The following SLC35F3 variants were observed in gnomAD, a reference collection of about 807,000 sequenced individuals.
SLC35F3 encodes solute carrier family 35 member F3.
SLC35F3 carries 25 observed loss-of-function variants against 49.9 expected under a neutral mutation model. The ratio of observed to expected loss-of-function variants is 0.50; its 90% CI spans 0.37 to 0.70. SLC35F3 has a LOEUF of 0.70. Ranked by LOEUF, SLC35F3 falls within the 30% of genes least tolerant of loss-of-function variation. The pLI, the probability that SLC35F3 is intolerant of heterozygous loss-of-function variation, is 0.00. For missense variants in SLC35F3, 525 were observed against 639.8 expected, an observed-to-expected ratio of 0.82 and a Z score of 1.94; for synonymous variants, 275 against 265.4, an observed-to-expected ratio of 1.04 and a Z score of -0.35.
At chr1:233,919,933 C>A (rs1006726105) in intron 2 of SLC35F3, among the ~76,000 whole-genome samples, 1 of 152,156 alleles carries the variant, frequency 6.6e-6, no homozygotes, top group South Asian at 2.1e-4. Context: ...CTCTGTACTC[C>A]GGCCTCAGAC....
intron 2 of SLC35F3, among the ~76,000 whole-genome samples, chr1:234,060,626 A>G (rs1187419813): frequency 1.3e-5 from 2 of 151,990 alleles, no homozygotes; most frequent in Middle Eastern, 6.8e-3. Context: ...TTTTATGTTT[A>G]TTTTTGGTAG....
At chr1:234,318,338 C>G (rs1240603813) in intron 5 of SLC35F3, among the ~76,000 whole-genome samples, 12 of 152,322 alleles carry the variant, frequency 7.9e-5, no homozygotes, top group East Asian at 3.9e-4. Flanking sequence ...CCTTGATTTA[C>G]AGAACGTATC....
chr1:234,148,594 G>A (rs886925652), intron 2 of SLC35F3, among the ~76,000 whole-genome samples: 2 of 152,194 alleles, frequency 1.3e-5, no homozygotes, highest in Non-Finnish European at 2.9e-5. Context: ...TTTTACAACA[G>A]TGTATCATGA....
Position 233,956,062 on chromosome 1 carries a change from A to G in SLC35F3, c.283+50304A>G, listed in dbSNP as rs1056486516. On this transcript the variant is annotated intron_variant, in intron 2 of 7. Transcript: ENST00000366618. ...GCCACCACGCCTGGCTAATTTTTGTATGTTTAGTGAAGACAGGGTTTCACC... is the reference window on the plus strand; with the variant it reads ...GCCACCACGCCTGGCTAATTTTTGTGTGTTTAGTGAAGACAGGGTTTCACC... Among the ~76,000 whole-genome samples, 3 of 151,200 alleles carry G rather than the reference A, an allele frequency of 2.0e-5. No individual in the cohort carries two copies. In the South Asian group the frequency reaches 6.3e-4, roughly 32 times the overall value.
At chr1:234,319,537 C>T (rs1295571938) in intron 6 of SLC35F3, among the ~76,000 whole-genome samples, 3 of 151,860 alleles carry the variant, frequency 2.0e-5, no homozygotes, top group Non-Finnish European at 2.9e-5. Context: ...ACCTCATCTC[C>T]ATAAACATTT....
chr1:234,155,775 A>G (rs1666141966), intron 2 of SLC35F3, among the ~76,000 whole-genome samples: 1 of 141,280 alleles, frequency 7.1e-6, no homozygotes. Flanking sequence ...TACTTCACAC[A>G]ATATACCAAA....
chr1:233,923,137 T>C (rs535343309), intron 2 of SLC35F3, among the ~76,000 whole-genome samples: 11 of 152,222 alleles, frequency 7.2e-5, no homozygotes, highest in Non-Finnish European at 1.6e-4. Context: ...GTGGGCTCTT[T>C]TTTGGTTCCA....
chr1:234,117,590 T>TCAAAAAAG (rs754995935), intron 2 of SLC35F3, among the ~76,000 whole-genome samples: 7 of 136,026 alleles, frequency 5.1e-5, no homozygotes, highest in East Asian at 2.3e-4. Context: ...AGACCCTGTC[T>TCAAAAAAG]AAAAAAAAAA....
intron 2 of SLC35F3, among the ~76,000 whole-genome samples, chr1:234,118,710 A>G (rs1665529464): frequency 6.6e-6 from 1 of 152,138 alleles, no homozygotes; most frequent in Non-Finnish European, 1.5e-5. Flanking sequence ...TCCCTTTTTA[A>G]AATGAGGAAA....
chr1:234,182,598 T>C (rs759054633), intron 2 of SLC35F3, among the ~76,000 whole-genome samples: 1 of 152,210 alleles, frequency 6.6e-6, no homozygotes, highest in Non-Finnish European at 1.5e-5. Context: ...GTAGGATAAT[T>C]GGAGCAAAAG....
chr1:234,319,966 A>T, intron 6 of SLC35F3, 132 bp from the exon 7 acceptor site: 1 of 652,250 alleles, frequency 1.5e-6, no homozygotes, highest in South Asian at 1.7e-5. Flanking sequence ...AGTTCACTGA[A>T]TCAGAGCAGA....
chr1:233,974,071 A>G (rs1663036000), intron 2 of SLC35F3, among the ~76,000 whole-genome samples: 1 of 149,968 alleles, frequency 6.7e-6, no homozygotes, highest in African/African-American at 2.4e-5. Context: ...ACTTTATCTG[A>G]TGGCAATGTT....
At chr1:234,266,183 G>C (rs1336009308) in intron 3 of SLC35F3, among the ~76,000 whole-genome samples, 1 of 152,122 alleles carries the variant, frequency 6.6e-6, no homozygotes, top group Admixed American at 6.5e-5. Flanking sequence ...AGTAGTGCCT[G>C]GTGTAGAATG....
chr1:234,079,538 A>T (rs1051350914), intron 2 of SLC35F3, among the ~76,000 whole-genome samples: 1 of 152,214 alleles, frequency 6.6e-6, no homozygotes, highest in Non-Finnish European at 1.5e-5. Context: ...TACAATGAAA[A>T]AGTCAACAAT....
chr1:234,207,237 C>T (rs539392416), intron 2 of SLC35F3, among the ~76,000 whole-genome samples: 1 of 151,618 alleles, frequency 6.6e-6, no homozygotes, highest in Non-Finnish European at 1.5e-5. Context: ...GATACAGAGA[C>T]CTGAGCAGAG....
intron 3 of SLC35F3, among the ~76,000 whole-genome samples, chr1:234,254,863 T>A (rs549091510): frequency 6.6e-6 from 1 of 152,382 alleles, no homozygotes; most frequent in South Asian, 2.1e-4. Context: ...TTTGTCAACA[T>A]GTTTTAGTTC....
At chr1:234,178,560 G>A (rs909857009) in intron 2 of SLC35F3, among the ~76,000 whole-genome samples, 17 of 152,016 alleles carry the variant, frequency 1.1e-4, no homozygotes, top group African/African-American at 3.6e-4. Context: ...CGCACAGCCT[G>A]CCACACTGTC....
At chr1:234,270,150 A>G (rs1048836664) in intron 3 of SLC35F3, among the ~76,000 whole-genome samples, 1 of 152,208 alleles carries the variant, frequency 6.6e-6, no homozygotes, top group Non-Finnish European at 1.5e-5. Flanking sequence ...TCACTAATAC[A>G]TGAAGACTAA....
intron 2 of SLC35F3, among the ~76,000 whole-genome samples, chr1:234,049,821 T>C (rs1664348383): frequency 1.3e-5 from 2 of 152,162 alleles, no homozygotes; most frequent in Admixed American, 1.3e-4. Flanking sequence ...CGGTGTGTGA[T>C]GTTCCCTTTC....
Sources: allele counts gnomAD v4.1 joint callset (sites outside exome capture counted in the v4.1 genomes callset), GRCh38; gene constraint gnomAD v4.1.1; transcripts MANE v1.5; gene names NCBI Gene and HGNC (gene_info 2026-07-23, HGNC 2026-07-21).